RET: variants seen among roughly 807,000 people sequenced by gnomAD.
RET encodes proto-oncogene tyrosine-protein kinase receptor Ret.
In RET, 19 loss-of-function variants were observed where a neutral mutation model predicts 118.3. The ratio of observed to expected loss-of-function variants is 0.16; its 90% CI spans 0.11 to 0.24. RET has a LOEUF of 0.24. Ranked by LOEUF, RET falls within the 10% of genes least tolerant of loss-of-function variation. RET has a pLI of 1.00. For synonymous variants in RET, 597 were observed against 644.1 expected, an observed-to-expected ratio of 0.93 and a Z score of 1.11; for missense variants, 1,219 against 1,502.1, an observed-to-expected ratio of 0.81 and a Z score of 3.12.
At chr10:43,127,629 G>A (rs1838364393) in intron 19 of RET, 1 of 341,884 alleles carries the variant, frequency 2.9e-6, no homozygotes, top group African/African-American at 2.2e-5. Flanking sequence ...TTTGTGTCTA[G>A]TGCCACACTC....
rs150528468 is a variant in RET at position 43,098,560 on chromosome 10, T to G, written c.74-1899T>G. Among the ~76,000 whole-genome samples the G allele has an allele frequency of 9.0e-3, 1,363 of 152,224 alleles. 21 individuals are homozygous for G. The highest frequency in any genetic ancestry group is 0.031 in the African/African-American group (1,287 of 41,540). On this transcript the variant is annotated intron_variant, in intron 1 of 19. Coordinates refer to ENST00000355710, the MANE Select transcript of RET (RefSeq NM_020975.6). Reference sequence around the variant, plus strand: ...GCTTAGCCTCTCAAGTAGCTGAGATTATAGGCGCCCGCCTTCATGCCCAGC... The same window carrying G: ...GCTTAGCCTCTCAAGTAGCTGAGATGATAGGCGCCCGCCTTCATGCCCAGC...
intron 1 of RET, among the ~76,000 whole-genome samples, chr10:43,079,464 C>T (rs991497854): frequency 1.3e-5 from 2 of 152,210 alleles, no homozygotes; most frequent in Non-Finnish European, 2.9e-5. Flanking sequence ...TTAAAAGTTG[C>T]TCTTAAAGGT....
At chr10:43,104,624 G>A (rs1837715721) in intron 3 of RET, 1 of 487,842 alleles carries the variant, frequency 2.0e-6, no homozygotes, top group Non-Finnish European at 3.7e-6. Flanking sequence ...CCTGATCAAG[G>A]CCAGGTGGGC....
At position 43,105,069 on chromosome 10, in the gene RET, G is replaced by C. The variant is rs749189193; in HGVS notation, c.743G>C (p.Gly248Ala). 3 of 1,610,362 alleles carry C rather than the reference G, an allele frequency of 1.9e-6. No individual in the cohort carries two copies. Among genetic ancestry groups the C allele is most frequent in the Non-Finnish European group, 2.5e-6 (3 of 1,179,682 alleles). The change falls in exon 4 of 20, where the codon GGC becomes GCC. Residue 248 changes from glycine to alanine, a missense_variant. Around this residue, in one of 5 missense-constraint regions of RET, gnomAD observed 850 missense variants for 969.6 expected, o/e 0.88. Coordinates refer to ENST00000355710, the MANE Select transcript of RET (RefSeq NM_020975.6). Reference protein sequence around the residue: ...ELVAVCTVHAGAREEVVMVPF... With the variant: ...ELVAVCTVHAAAREEVVMVPF... ...GTGGCCGTGTGCACCGTGCACGCCG[G>C]CGCGCGCGAGGAGGTGGTGATGGTG...
Position 43,114,456 on chromosome 10 carries a change from G to A in RET, c.1880-24G>A. On this transcript the variant is annotated intron_variant, in intron 10 of 19. Coordinates refer to ENST00000355710, the MANE Select transcript of RET (RefSeq NM_020975.6). The surrounding 1 kb of genome is among the most constrained non-coding windows in gnomAD (Gnocchi z 4.6). Reference sequence around the variant, plus strand: ...GGTGCCGAGCCTCTGGCGGTGCCAAGCCTCACACCACCCCCACCCACAGAT... The same window carrying A: ...GGTGCCGAGCCTCTGGCGGTGCCAAACCTCACACCACCCCCACCCACAGAT... 1 of 1,604,418 alleles carries A rather than the reference G, an allele frequency of 6.2e-7. No homozygotes were observed. The highest frequency in any genetic ancestry group is 1.3e-5 in the African/African-American group (1 of 75,022).
intron 10 of RET, 45 bp downstream of exon 10, chr10:43,113,720 A>G (rs1837998789): frequency 6.2e-7 from 1 of 1,610,412 alleles, no homozygotes; most frequent in Non-Finnish European, 8.5e-7. Flanking sequence ...CCAGCCCCAC[A>G]GAGGTCTCAA....
Position 43,109,093 on chromosome 10 carries a change from G to A in RET, c.1126G>A (p.Val376Ile), listed in dbSNP as rs2132744264. 1.2e-6 allele frequency: 2 copies of A among 1,613,844 alleles called. No individual in the cohort carries two copies. The highest frequency in any genetic ancestry group is 8.5e-7 in the Non-Finnish European group (1 of 1,180,036). Reference protein sequence around the residue: ...ENRTMQLAVLVNDSDFQGPGA... With the variant: ...ENRTMQLAVLINDSDFQGPGA... The stretch of plus-strand genomic sequence containing the variant: ...CCGCACCATGCAGCTGGCGGTGCTG[G>A]TCAATGACTCAGACTTCCAGGGCCC... Residue 376 changes from valine to isoleucine, a missense_variant, in exon 6 of 20, where the codon GTC becomes ATC. Physicochemically the swap from Val to Ile is conservative, Grantham distance 29. Around this residue, in one of 5 missense-constraint regions of RET, gnomAD observed 850 missense variants for 969.6 expected, o/e 0.88. Transcript: ENST00000355710.
At chr10:43,097,053 C>T (rs1837536653) in intron 1 of RET, among the ~76,000 whole-genome samples, 1 of 152,210 alleles carries the variant, frequency 6.6e-6, no homozygotes, top group Admixed American at 6.5e-5. Flanking sequence ...CTTTTGGCAG[C>T]AGGGAGACCA....
At position 43,112,872 on chromosome 10, in the gene RET, C is replaced by G. The variant is rs141771814; in HGVS notation, c.1668C>G (p.Ser556=). The G allele has an allele frequency of 1.8e-5, 29 of 1,614,048 alleles. No individual in the cohort carries two copies. In the African/African-American group the frequency reaches 3.6e-4, roughly 20 times the overall value. ...GTGCAGGGATCACCAGGAACTTCTC[C>G]ACCTGCTCTCCCAGCACCAAGACCT... The part of the protein sequence containing the change: ...GDGKGITRNF[S]TCSPSTKTCP... The change falls in exon 9 of 20, where the codon TCC becomes TCG. Residue 556 remains serine, a synonymous_variant. Coordinates refer to ENST00000355710, the MANE Select transcript of RET (RefSeq NM_020975.6).
intron 1 of RET, among the ~76,000 whole-genome samples, chr10:43,097,405 A>G (rs1393627078): frequency 1.3e-5 from 2 of 152,160 alleles, no homozygotes; most frequent in African/African-American, 4.8e-5. Flanking sequence ...TGTCCCAGAG[A>G]AAACTAGACC....
intron 16 of RET, 107 bp from the exon 17 acceptor site, chr10:43,123,564 C>A: frequency 6.9e-7 from 1 of 1,456,076 alleles, no homozygotes; most frequent in Non-Finnish European, 9.6e-7. Flanking sequence ...GTGCTTGAAG[C>A]CGACAGGGTC....
At position 43,106,242 on chromosome 10, in the gene RET, G is replaced by C. The variant is rs1358167080; in HGVS notation, c.868-134G>C. 3 of 919,550 alleles carry C rather than the reference G, an allele frequency of 3.3e-6. No homozygotes were observed. The highest frequency in any genetic ancestry group is 3.3e-5 in the African/African-American group (2 of 61,154). 57.0% of individuals were successfully genotyped at this position (919,550 alleles called of 1,614,324 possible). On this transcript the variant is annotated intron_variant, in intron 4 of 19. Coordinates refer to ENST00000355710, the MANE Select transcript of RET (RefSeq NM_020975.6). This position sits in a 1 kb window ranked among gnomAD's most constrained non-coding sequence, Gnocchi z 5.1. Reference sequence around the variant, plus strand: ...TTGAACCCAGGTCAGACTGTCCCCAGACCTGGCTCTGACAACACACATCTG... The same window carrying C: ...TTGAACCCAGGTCAGACTGTCCCCACACCTGGCTCTGACAACACACATCTG...
intron 1 of RET, among the ~76,000 whole-genome samples, chr10:43,090,609 A>G (rs1837390593): frequency 6.6e-6 from 1 of 151,966 alleles, no homozygotes; most frequent in Admixed American, 6.6e-5. Context: ...CAAAAGCAAA[A>G]TTATATTCTG....
At position 43,109,057 on chromosome 10, in the gene RET, A is replaced by G. The variant is rs1308447836; in HGVS notation, c.1090A>G (p.Ile364Val). ...YRLVLNRNLS[I>V]SENRTMQLAV... The stretch of plus-strand genomic sequence containing the variant: ...GCTGGTTCTCAACCGGAACCTCTCC[A>G]TCTCGGAGAACCGCACCATGCAGCT... Residue 364 changes from isoleucine (I) to valine (V), a missense_variant, in exon 6 of 20, where the codon ATC becomes GTC. Transcript: ENST00000355710. 1.4e-5 allele frequency: 22 copies of G among 1,613,318 alleles called. No individual in the cohort carries two copies. The highest frequency in any genetic ancestry group is 1.7e-5 in the Admixed American group (1 of 60,002).
chr10:43,077,176 C>G lies in RET; in HGVS notation c.-83C>G, dbSNP rs1326388117. Reference sequence around the variant, plus strand: ...CGCGCCCCGGGCGGGGATGGGGCGGCCAGACTGAGCGCCGCACCCGCCATC... The same window carrying G: ...CGCGCCCCGGGCGGGGATGGGGCGGGCAGACTGAGCGCCGCACCCGCCATC... On this transcript the variant is annotated 5_prime_UTR_variant, in exon 1 of 20. Transcript: ENST00000355710. The G allele has an allele frequency of 1.5e-5, 21 of 1,366,594 alleles. No individual in the cohort carries two copies. Among genetic ancestry groups the G allele is most frequent in the Non-Finnish European group, 1.9e-5 (20 of 1,059,490 alleles). 84.7% of individuals were successfully genotyped at this position (1,366,594 alleles called of 1,614,324 possible). A position where few individuals can be genotyped will look rare whatever the true frequency, so the allele number is the denominator to read the frequency against.
Position 43,114,585 on chromosome 10 carries a change from A to G in RET, c.1985A>G (p.Lys662Arg), listed in dbSNP as rs1588874193. The G allele has an allele frequency of 6.2e-7, 1 of 1,612,246 alleles. No homozygotes were observed. The highest frequency in any genetic ancestry group is 8.5e-7 in the Non-Finnish European group (1 of 1,179,832). The change falls in exon 11 of 20, where the codon AAG becomes AGG. Residue 662 changes from lysine to arginine, a missense_variant. Coordinates refer to ENST00000355710, the MANE Select transcript of RET (RefSeq NM_020975.6). The surrounding 1 kb of genome is among the most constrained non-coding windows in gnomAD (Gnocchi z 4.6). ...LSAFCIHCYH[K>R]FAHKPPISSA... ...GCCTTCTGCATCCACTGCTACCACAAGTTTGCCCACAAGCCACCCATCTCC... is the reference window on the plus strand; with the variant it reads ...GCCTTCTGCATCCACTGCTACCACAGGTTTGCCCACAAGCCACCCATCTCC...
At chr10:43,099,746 C>G (rs3123655) in intron 1 of RET, among the ~76,000 whole-genome samples, 50,306 of 152,076 alleles carry the variant, frequency 0.33, 8,810 homozygotes, top group South Asian at 0.41. Context: ...TGATCCATTG[C>G]CTAACATCCG....
rs1838266905 is a variant in RET, at chr10:43,123,664, T to A, written c.2802-7T>A. 6.2e-7 allele frequency: 1 copy of A among 1,614,028 alleles called. No homozygotes were observed. Among genetic ancestry groups the A allele is most frequent in the Non-Finnish European group, 8.5e-7 (1 of 1,180,036 alleles). On this transcript the variant is annotated splice_region_variant and splice_polypyrimidine_tract_variant and intron_variant, in intron 16 of 19. Transcript: ENST00000355710. ...GAGCCACTCACTGGTCCTTTCACTCTCTGCAGATGGTCTTTTGGTGTCCTG... is the reference window on the plus strand; with the variant it reads ...GAGCCACTCACTGGTCCTTTCACTCACTGCAGATGGTCTTTTGGTGTCCTG...
intron 4 of RET, 101 bp downstream of exon 4, chr10:43,105,294 C>G (rs1837744106): frequency 6.5e-7 from 1 of 1,530,602 alleles, no homozygotes; most frequent in Admixed American, 1.8e-5. Context: ...ACCGTGTGGC[C>G]GACCATTCGC....
Sources: gnomAD v4.1 joint callset for allele counts (sites outside exome capture counted in the v4.1 genomes callset) on GRCh38, gnomAD v4.1.1 for gene constraint, gnomAD v4.1.1 regional missense constraint, Gnocchi (gnomAD v3.1) non-coding constraint, MANE v1.5 for transcripts, NCBI Gene and HGNC (gene_info 2026-07-23, HGNC 2026-07-21) for gene names.